Variants in UBN1 observed in about 807,000 individuals in gnomAD.
The protein encoded by UBN1 is ubinuclein-1.
UBN1 carries 17 observed loss-of-function variants against 108.5 expected under a neutral mutation model. The observed-to-expected ratio is 0.16, with a 90% CI of 0.11 to 0.24. The LOEUF is 0.24. UBN1 is among the 10% of genes least tolerant of loss of function. The pLI is 1.00. For missense variants in UBN1, 1,595 were observed against 1,394.4 expected, an observed-to-expected ratio of 1.14 and a Z score of -2.29; for synonymous variants, 726 against 564.2, an observed-to-expected ratio of 1.29 and a Z score of -4.07.
rs1452052881 is a variant in UBN1 at position 4,882,191 on chromosome 16, G to C, written c.*2059G>C. The stretch of plus-strand genomic sequence containing the variant: ...CAGCCTCGGGGTCTGGGGGCTGCAG[G>C]GGTTTCCCTGGCGCAGCGAAAGTCT... On this transcript the variant is annotated 3_prime_UTR_variant, in exon 18 of 18. Transcript: ENST00000262376. The C allele has an allele frequency of 1.3e-5, 2 of 152,606 alleles. No homozygotes were observed. The highest frequency in any genetic ancestry group is 4.8e-5 in the African/African-American group (2 of 41,438). The allele number at this position is 152,606 out of a possible 1,614,324, so 9.5% of individuals were successfully genotyped here. A position where few individuals can be genotyped will look rare whatever the true frequency, so the allele number is the denominator to read the frequency against.
intron 2 of UBN1, among the ~76,000 whole-genome samples, chr16:4,857,271 G>C (rs2086858454): frequency 6.6e-6 from 1 of 151,422 alleles, no homozygotes; most frequent in South Asian, 2.1e-4. Context: ...GATCACCCGA[G>C]CCTGGGGAGG....
chr16:4,855,677 G>A (rs537530372), intron 2 of UBN1, among the ~76,000 whole-genome samples: 1 of 151,602 alleles, frequency 6.6e-6, no homozygotes, highest in African/African-American at 2.4e-5. Context: ...CCCACACTTT[G>A]GGTGGCCGAG....
At chr16:4,855,185 G>T (rs115424403) in intron 2 of UBN1, among the ~76,000 whole-genome samples, 1 of 152,198 alleles carries the variant, frequency 6.6e-6, no homozygotes, top group African/African-American at 2.4e-5. Context: ...AGTGTGGAAC[G>T]AGAATGAAAT....
At position 4,874,351 on chromosome 16, in the gene UBN1, C is replaced by T. The variant is rs1471091067; in HGVS notation, c.1941C>T (p.Gly647=). The T allele has an allele frequency of 5.6e-5, 91 of 1,613,978 alleles. No individual in the cohort carries two copies. Among genetic ancestry groups the T allele is most frequent in the Non-Finnish European group, 7.4e-5 (87 of 1,180,044 alleles). ...SSRELPSQAS[G]GLANPPPVNL... Reference sequence around the variant, plus strand: ...GGGAGCTCCCATCCCAGGCATCGGGCGGCCTTGCTAACCCTCCTCCTGTCA... The same window carrying T: ...GGGAGCTCCCATCCCAGGCATCGGGTGGCCTTGCTAACCCTCCTCCTGTCA... The change falls in exon 15 of 18, where the codon GGC becomes GGT. Residue 647 remains glycine (G), a synonymous_variant. Coordinates refer to ENST00000262376, the MANE Select transcript of UBN1 (RefSeq NM_001079514.3).
chr16:4,878,768 T>G (rs565997784), intron 17 of UBN1, among the ~76,000 whole-genome samples: 1 of 152,300 alleles, frequency 6.6e-6, no homozygotes, highest in Non-Finnish European at 1.5e-5. Context: ...CCCAGCACTT[T>G]GGGAGGCCAA....
rs1387084559 is a variant in UBN1 at position 4,853,023 on chromosome 16, C to A, written c.106C>A (p.Gln36Lys). ...KEEAGAGEQH[Q>K]DCEPAAAAVR... Reference sequence around the variant, plus strand: ...GGAGGCTGGGGCAGGAGAACAGCATCAGGACTGTGAGCCGGCTGCAGCAGC... The same window carrying A: ...GGAGGCTGGGGCAGGAGAACAGCATAAGGACTGTGAGCCGGCTGCAGCAGC... The change falls in exon 2 of 18, where the codon CAG becomes AAG. Residue 36 changes from glutamine (Q) to lysine (K), a missense_variant. Physicochemically the swap from Gln to Lys is moderately conservative, Grantham distance 53. Transcript: ENST00000262376. 20 of 1,614,124 alleles carry A rather than the reference C, an allele frequency of 1.2e-5. No individual in the cohort carries two copies. Among genetic ancestry groups the A allele is most frequent in the Non-Finnish European group, 1.7e-5 (20 of 1,180,054 alleles).
chr16:4,872,150 A>C, intron 12 of UBN1: 1 of 978,904 alleles, frequency 1.0e-6, no homozygotes, highest in Non-Finnish European at 1.2e-6. Flanking sequence ...GTGCGGATAG[A>C]TCTTGGAACC....
chr16:4,876,938 G>T lies in UBN1; in HGVS notation c.3092G>T (p.Ser1031Ile). 1 of 1,614,162 alleles carries T rather than the reference G, an allele frequency of 6.2e-7. No homozygotes were observed. Among genetic ancestry groups the T allele is most frequent in the South Asian group, 1.1e-5 (1 of 91,080 alleles). The part of the protein sequence containing the change: ...SLMASPYKSS[S>I]PKLSGAMSSN... ...ATGGCTTCACCCTACAAATCCAGCA[G>T]CCCAAAGCTGTCTGGGGCCATGAGC... The change falls in exon 16 of 18, where the codon AGC (serine) becomes ATC (isoleucine). Residue 1031 changes from serine (S) to isoleucine (I), a missense_variant. Ser to Ile is a moderately radical substitution (Grantham distance 142). Coordinates refer to ENST00000262376, the MANE Select transcript of UBN1 (RefSeq NM_001079514.3).
Position 4,861,119 on chromosome 16 carries a change from C to A in UBN1, c.1110+17C>A. 1 of 1,599,694 alleles carries A rather than the reference C, an allele frequency of 6.3e-7. No homozygotes were observed. The highest frequency in any genetic ancestry group is 8.5e-7 in the Non-Finnish European group (1 of 1,172,748). On this transcript the variant is annotated intron_variant, in intron 7 of 17. Coordinates refer to ENST00000262376, the MANE Select transcript of UBN1 (RefSeq NM_001079514.3). Reference sequence around the variant, plus strand: ...CTGGCTCAGGTATGGTGGCACAGTGCGGCTGGGCTTTCCTGGAAGCAGTTT... The same window carrying A: ...CTGGCTCAGGTATGGTGGCACAGTGAGGCTGGGCTTTCCTGGAAGCAGTTT...
rs370608746 is a variant in UBN1, at chr16:4,880,175, C to G, written c.*43C>G. The G allele has an allele frequency of 5.0e-6, 8 of 1,601,222 alleles. No individual in the cohort carries two copies. The African/African-American group carries it at 1.1e-4, about 21-fold the overall frequency. ...CTTGCCACTTGGGTCTGGGTGGAATCAGAACGTGCAGGTCTCCCAGGATGT... is the reference window on the plus strand; with the variant it reads ...CTTGCCACTTGGGTCTGGGTGGAATGAGAACGTGCAGGTCTCCCAGGATGT... On this transcript the variant is annotated 3_prime_UTR_variant, in exon 18 of 18. Coordinates refer to ENST00000262376, the MANE Select transcript of UBN1 (RefSeq NM_001079514.3).
chr16:4,876,800 T>G, intron 15 of UBN1, 71 bp from the exon 16 acceptor site: 1 of 1,520,358 alleles, frequency 6.6e-7, no homozygotes. Context: ...ATCCTTTGTG[T>G]TGCCAGGTTT....
rs144134592 is a variant in UBN1, at chr16:4,874,279, G to C, written c.1869G>C (p.Leu623Phe). The C allele has an allele frequency of 3.6e-4, 582 of 1,613,490 alleles. 4 individuals are homozygous for C. In the African/African-American group the frequency reaches 7.3e-3, roughly 20 times the overall value. ...PSGQIGGPIA[L>F]PSDHQTGGLS... is the part of the protein sequence containing the mutation. ...GACAGATTGGTGGCCCCATTGCTTT[G>C]CCCTCAGATCACCAAACAGGAGGCC... Residue 623 changes from leucine (L) to phenylalanine (F), a missense_variant, in exon 15 of 18, where the codon TTG becomes TTC. Physicochemically the swap from Leu to Phe is conservative, Grantham distance 22 (BLOSUM62 0). Coordinates refer to ENST00000262376, the MANE Select transcript of UBN1 (RefSeq NM_001079514.3).
Position 4,877,447 on chromosome 16 carries a change from C to T in UBN1, c.3328C>T (p.Pro1110Ser). ...HAAPLPHAAV[P>S]THIPQSLPGA... The stretch of plus-strand genomic sequence containing the variant: ...AGCGCCTCTCCCACACGCTGCGGTG[C>T]CCACCCATATCCCGCAGAGTCTGCC... The change falls in exon 17 of 18, where the codon CCC becomes TCC. Residue 1110 changes from proline (P) to serine (S), a missense_variant. This residue lies in a region of UBN1 where 1,398 missense variants were observed against 1,194.7 expected (regional missense o/e 1.17). Transcript: ENST00000262376. The surrounding 1 kb of genome is among the most constrained non-coding windows in gnomAD (Gnocchi z 4.3). 1 of 1,611,978 alleles carries T rather than the reference C, an allele frequency of 6.2e-7. No individual in the cohort carries two copies. The highest frequency in any genetic ancestry group is 2.2e-5 in the East Asian group (1 of 44,850).
chr16:4,853,436 C>T (rs1354192211), intron 2 of UBN1, among the ~76,000 whole-genome samples: 4 of 152,156 alleles, frequency 2.6e-5, no homozygotes, highest in Admixed American at 6.5e-5. Flanking sequence ...TAAATGAAAC[C>T]AGTCCCTGAC....
rs1199434461 is a variant in UBN1, at chr16:4,877,456, A to T, written c.3337A>T (p.Ile1113Phe). The T allele has an allele frequency of 6.2e-7, 1 of 1,611,110 alleles. No homozygotes were observed. The highest frequency in any genetic ancestry group is 1.1e-5 in the South Asian group (1 of 90,932). The change falls in exon 17 of 18, where the codon ATC becomes TTC. Residue 1113 changes from isoleucine (I) to phenylalanine (F), a missense_variant. Ile to Phe is a conservative substitution (Grantham distance 21). Coordinates refer to ENST00000262376, the MANE Select transcript of UBN1 (RefSeq NM_001079514.3). This position sits in a 1 kb window ranked among gnomAD's most constrained non-coding sequence, Gnocchi z 4.3. ...CCCACACGCTGCGGTGCCCACCCAT[A>T]TCCCGCAGAGTCTGCCAGGTAATCA... The part of the protein sequence containing the change: ...PLPHAAVPTH[I>F]PQSLPGASQL...
Position 4,852,905 on chromosome 16 carries a change from C to G in UBN1, c.-13C>G. 5 of 1,611,176 alleles carry G rather than the reference C, an allele frequency of 3.1e-6. No individual in the cohort carries two copies. The highest frequency in any genetic ancestry group is 1.1e-5 in the South Asian group (1 of 90,904). ...AGCCATGCAGTGACACCCGCTAAGACTTGTTGGTAGCCATGTCGGAGCCCC... is the reference window on the plus strand; with the variant it reads ...AGCCATGCAGTGACACCCGCTAAGAGTTGTTGGTAGCCATGTCGGAGCCCC... On this transcript the variant is annotated 5_prime_UTR_variant, in exon 2 of 18. Coordinates refer to ENST00000262376, the MANE Select transcript of UBN1 (RefSeq NM_001079514.3).
rs986486289 is a variant in UBN1, at chr16:4,881,366, A to G, written c.*1234A>G. On this transcript the variant is annotated 3_prime_UTR_variant, in exon 18 of 18. Coordinates refer to ENST00000262376, the MANE Select transcript of UBN1 (RefSeq NM_001079514.3). The stretch of plus-strand genomic sequence containing the variant: ...GAGAGTGGATCAGAGAGACTAGGAC[A>G]GTTACTGCAGAGCTCCTAAGTCACC... 6 of 152,340 alleles carry G rather than the reference A, an allele frequency of 3.9e-5. No homozygotes were observed. The highest frequency in any genetic ancestry group is 1.4e-4 in the African/African-American group (6 of 41,440). 9.4% of individuals were successfully genotyped at this position (152,340 alleles called of 1,614,324 possible). A position where few individuals can be genotyped will look rare whatever the true frequency, so the allele number is the denominator to read the frequency against.
In UBN1 at chr16:4,860,827, C is replaced by T. The variant is rs1286974483; in HGVS notation, c.835C>T (p.Leu279=). The T allele has an allele frequency of 2.5e-6, 4 of 1,614,296 alleles. No homozygotes were observed. Among genetic ancestry groups the T allele is most frequent in the Non-Finnish European group, 1.7e-6 (2 of 1,180,056 alleles). Residue 279 remains leucine, a synonymous_variant, in exon 7 of 18, where the codon CTG becomes TTG. Transcript: ENST00000262376. The stretch of plus-strand genomic sequence containing the variant: ...GGTCCCATCAGCGGAAGCTCAGGGC[C>T]TGCGGGAACTGGAGGGTGCCTCTGA... ...VAVPSAEAQG[L]RELEGASDPL... is the part of the protein sequence containing the mutation.
Position 4,853,263 on chromosome 16 carries a change from A to T in UBN1, c.249+97A>T, listed in dbSNP as rs576493423. 124 of 1,490,896 alleles carry T rather than the reference A, an allele frequency of 8.3e-5. No individual in the cohort carries two copies. The African/African-American group carries it at 1.6e-3, about 20-fold the overall frequency. 92.4% of individuals were successfully genotyped at this position (1,490,896 alleles called of 1,614,324 possible). A position where few individuals can be genotyped will look rare whatever the true frequency, so the allele number is the denominator to read the frequency against. On this transcript the variant is annotated intron_variant, in intron 2 of 17. Transcript: ENST00000262376. ...GTAGCGGGGAAGCAAGACTTAACTG[A>T]GGTTTTGGCTGCCCCAAGATCCTGT...
Sources: gnomAD v4.1 joint callset for allele counts (sites outside exome capture counted in the v4.1 genomes callset) on GRCh38, gnomAD v4.1.1 for gene constraint, gnomAD v4.1.1 regional missense constraint, Gnocchi (gnomAD v3.1) non-coding constraint, MANE v1.5 for transcripts, NCBI Gene and HGNC (gene_info 2026-07-23, HGNC 2026-07-21) for gene names.